The following SPATA1 variants were observed in gnomAD, a reference collection of about 807,000 sequenced individuals.
SPATA1 encodes the protein spermatogenesis-associated protein 1.
In SPATA1, 57 loss-of-function variants were observed where a neutral mutation model predicts 59.6. That is an observed-to-expected ratio of 0.96 (90% confidence interval 0.77 to 1.19). The LOEUF (loss-of-function observed/expected upper bound fraction) is 1.19. Among genes scored for constraint, SPATA1 ranks in the 50% most tolerant of loss-of-function variants. The pLI is 0.00. For missense variants in SPATA1, 448 were observed against 480.7 expected, an observed-to-expected ratio of 0.93 and a Z score of 0.64; for synonymous variants, 147 against 163.9, an observed-to-expected ratio of 0.90 and a Z score of 0.79.
At chr1:84,532,828 C>G in intron 6 of SPATA1, 32 bp from the exon 7 acceptor site, 1 of 1,405,830 alleles carries the variant, frequency 7.1e-7, no homozygotes, top group Non-Finnish European at 9.8e-7. Context: ...ACATTCTGAA[C>G]TTTATTTGCT....
chr1:84,520,596 T>TCA lies in SPATA1; in HGVS notation c.49_50dup (p.Val18MetfsTer14). On this transcript the variant is annotated frameshift_variant, in exon 3 of 13. Coordinates refer to ENST00000490879, the Ensembl canonical transcript of SPATA1. LOFTEE classifies it high-confidence loss of function. ...CTCAATTTATTCAGTTGGTGGAACT[T>TCA]CATGTTTTTTATGTCCCTGAAGGAT... The TCA allele has an allele frequency of 6.4e-7, 1 of 1,551,542 alleles. No individual in the cohort carries two copies. The highest frequency in any genetic ancestry group is 8.7e-7 in the Non-Finnish European group (1 of 1,152,776).
At chr1:84,553,789 A>C (rs1037185665) in exon 13 of SPATA1, 1 of 152,192 alleles carries the variant, frequency 6.6e-6, no homozygotes, top group Admixed American at 6.5e-5. Context: ...CAAAATGTGC[A>C]GGGAAGCCAG....
chr1:84,553,032 T>C (rs1234134511), intron 12 of SPATA1: 2 of 1,509,228 alleles, frequency 1.3e-6, no homozygotes, highest in East Asian at 2.5e-5. Flanking sequence ...ATTCTTTTTA[T>C]AGATGAGAAA....
intron 11 of SPATA1, 125 bp downstream of exon 11, chr1:84,549,089 A>ATTAACACTG: frequency 1.1e-6 from 1 of 947,220 alleles, no homozygotes; most frequent in Non-Finnish European, 1.5e-6. Flanking sequence ...AAACAATAAA[A>ATTAACACTG]AAACTCATGA....
intron 8 of SPATA1, among the ~76,000 whole-genome samples, chr1:84,535,808 G>T (rs999110309): frequency 6.6e-6 from 1 of 151,862 alleles, no homozygotes; most frequent in East Asian, 1.9e-4. Flanking sequence ...TTTTTGTTAT[G>T]AATTAAGTGT....
At chr1:84,537,959 AAGGAATGTTATAGT>A (rs1337234102) in intron 8 of SPATA1, among the ~76,000 whole-genome samples, 6 of 152,192 alleles carry the variant, frequency 3.9e-5, no homozygotes, top group Non-Finnish European at 8.8e-5. Flanking sequence ...CATGGGCAAT[AAGGAATGTTATAGT>A]AGAGAGGGCC....
intron 9 of SPATA1, 146 bp downstream of exon 9, chr1:84,544,450 CAG>C (rs1236113085): frequency 4.0e-5 from 25 of 631,964 alleles, no homozygotes; most frequent in Non-Finnish European, 6.9e-5. Context: ...GGTTTCACAA[CAG>C]TGTGAATGTT....
chr1:84,561,594 C>G (rs563385127), intron 4 of SPATA1, among the ~76,000 whole-genome samples: 1 of 152,276 alleles, frequency 6.6e-6, no homozygotes, highest in East Asian at 1.9e-4. Context: ...AATAGCATCA[C>G]GTTTTACACA....
downstream of SPATA1, among the ~76,000 whole-genome samples, chr1:84,557,871 A>AG (rs1311248304): frequency 1.3e-5 from 2 of 151,188 alleles, no homozygotes; most frequent in African/African-American, 2.4e-5. Context: ...AAAAAAAAAA[A>AG]GAGGAAGGAA....
At chr1:84,507,738 C>T (rs554109149) in intron 1 of SPATA1, among the ~76,000 whole-genome samples, 3 of 151,918 alleles carry the variant, frequency 2.0e-5, no homozygotes, top group African/African-American at 7.3e-5. Context: ...TCACTGAACT[C>T]TTAGAACCGT....
intron 4 of SPATA1, 36 bp downstream of exon 4, chr1:84,522,543 G>A: frequency 3.7e-6 from 4 of 1,095,082 alleles, no homozygotes; most frequent in Non-Finnish European, 5.2e-6. Flanking sequence ...GATTGAGAAA[G>A]ACCATACCTT....
In SPATA1 at chr1:84,540,231, T is replaced by TA. The variant is rs1211129791; in HGVS notation, c.718-3970dup. Among the ~76,000 whole-genome samples, 14 of 152,318 alleles carry TA rather than the reference T, an allele frequency of 9.2e-5. No homozygotes were observed. In the East Asian group the frequency reaches 2.7e-3, roughly 29 times the overall value. ...CCATTTATATAATTGATATGACTGA[T>TA]ATGTTTAGTCTCAGATTTGTCATTT... On this transcript the variant is annotated intron_variant, in intron 8 of 12. Transcript: ENST00000490879.
chr1:84,537,486 C>T (rs896129738), intron 8 of SPATA1, among the ~76,000 whole-genome samples: 2 of 152,126 alleles, frequency 1.3e-5, no homozygotes, highest in African/African-American at 4.8e-5. Context: ...ATTCACATCC[C>T]CTTATTAAAT....
intron 4 of SPATA1, among the ~76,000 whole-genome samples, chr1:84,562,045 T>C (rs1404122678): frequency 6.6e-6 from 1 of 152,208 alleles, no homozygotes; most frequent in Non-Finnish European, 1.5e-5. Context: ...ACCATATCCA[T>C]GAAACAGTTT....
intron 6 of SPATA1, among the ~76,000 whole-genome samples, chr1:84,530,017 C>T (rs182703491): frequency 5.9e-5 from 9 of 152,118 alleles, no homozygotes; most frequent in Non-Finnish European, 1.2e-4. Context: ...CAGCCATGCC[C>T]GGCTAATTTT....
Position 84,544,200 on chromosome 1 carries a change from A to G in SPATA1, c.718-2A>G. 6.3e-7 allele frequency: 1 copy of G among 1,578,204 alleles called. No individual in the cohort carries two copies. Among genetic ancestry groups the G allele is most frequent in the Non-Finnish European group, 8.7e-7 (1 of 1,154,846 alleles). On this transcript the variant is annotated splice_acceptor_variant, in intron 8 of 12. Transcript: ENST00000490879. LOFTEE classifies it high-confidence loss of function. ...CTTACTCATTTTCACGTTTGCTTAC[A>G]GACAGCTGAAAAAGAGTACATCACC...
At chr1:84,564,847 C>T (rs1447018478) in intron 4 of SPATA1, among the ~76,000 whole-genome samples, 1 of 151,924 alleles carries the variant, frequency 6.6e-6, no homozygotes, top group Admixed American at 6.6e-5. Context: ...GCCTGGGCAA[C>T]ATAGTATGAC....
intron 10 of SPATA1, among the ~76,000 whole-genome samples, chr1:84,547,554 G>A (rs1383823026): frequency 6.6e-6 from 1 of 152,128 alleles, no homozygotes; most frequent in South Asian, 2.1e-4. Flanking sequence ...AAAGAGCATA[G>A]TAAAGAGTGA....
exon 6 of SPATA1, chr1:84,525,890 G>C: frequency 6.2e-7 from 1 of 1,613,592 alleles, no homozygotes; most frequent in Non-Finnish European, 8.5e-7. Context: ...GGACCATTTA[G>C]GAAATGTTTA....
Sources: gnomAD v4.1 joint callset for allele counts (sites outside exome capture counted in the v4.1 genomes callset) on GRCh38, gnomAD v4.1.1 for gene constraint, MANE v1.5 for transcripts, NCBI Gene and HGNC (gene_info 2026-07-23, HGNC 2026-07-21) for gene names.